Variants in LYPLAL1 observed in about 807,000 individuals in gnomAD.
LYPLAL1 encodes the protein lysophospholipase like 1, also known as lysophospholipase-like protein 1.
In LYPLAL1, 23 loss-of-function variants were observed where a neutral mutation model predicts 19.7. The observed-to-expected ratio is 1.17, with a 90% confidence interval of 0.84 to 1.65. The LOEUF is 1.65. LYPLAL1 is among the 40% of genes most tolerant of loss of function. The pLI is 0.00. For synonymous variants in LYPLAL1, 119 were observed against 96.3 expected, an observed-to-expected ratio of 1.24 and a Z score of -1.38; for missense variants, 355 against 279.4, an observed-to-expected ratio of 1.27 and a Z score of -1.93.
At chr1:219,401,364 C>A in the LYPLAL1 span, among the ~76,000 whole-genome samples, 38 of 100,400 alleles carry the variant, frequency 3.8e-4, no homozygotes, top group South Asian at 7.8e-4. Flanking sequence ...TGCCACTTAA[C>A]CCTGCCTCCT....
At chr1:219,282,590 G>A in the LYPLAL1 span, among the ~76,000 whole-genome samples, 6 of 151,298 alleles carry the variant, frequency 4.0e-5, no homozygotes, top group Non-Finnish European at 8.8e-5. Flanking sequence ...AGCTTCCAAA[G>A]GGGAGGGGGA....
At chr1:219,422,060 T>A in the LYPLAL1 span, among the ~76,000 whole-genome samples, 2 of 152,184 alleles carry the variant, frequency 1.3e-5, no homozygotes, top group African/African-American at 2.4e-5. Context: ...CGCTGGTTGA[T>A]CTCTTAAGAA....
chr1:219,244,712 G>A, the LYPLAL1 span, among the ~76,000 whole-genome samples: 116 of 152,138 alleles, frequency 7.6e-4, no homozygotes, highest in African/African-American at 2.7e-3. Flanking sequence ...TTGGGAAGCC[G>A]AAGTAGGCAG....
chr1:219,400,374 A>G, the LYPLAL1 span, among the ~76,000 whole-genome samples: 1 of 152,152 alleles, frequency 6.6e-6, no homozygotes, highest in African/African-American at 2.4e-5. Context: ...AGAGTGATAA[A>G]TCTATGGAAG....
At chr1:219,272,835 A>G in the LYPLAL1 span, 3 of 151,756 alleles carry the variant, frequency 2.0e-5, no homozygotes, top group Non-Finnish European at 4.4e-5. Context: ...CCTCAGCAGA[A>G]AAAAAAAAGA....
chr1:219,229,058 T>C, the LYPLAL1 span, among the ~76,000 whole-genome samples: 1 of 152,032 alleles, frequency 6.6e-6, no homozygotes, highest in African/African-American at 2.4e-5. Flanking sequence ...ATTCCCATTT[T>C]ATATATGAGT....
intron 3 of LYPLAL1, among the ~76,000 whole-genome samples, chr1:219,195,670 A>T (rs924732276): frequency 3.3e-5 from 5 of 151,806 alleles, no homozygotes; most frequent in African/African-American, 1.2e-4. Context: ...TAGTACAACA[A>T]AATCAAATCT....
chr1:219,241,395 A>G, the LYPLAL1 span, among the ~76,000 whole-genome samples: 1 of 152,072 alleles, frequency 6.6e-6, no homozygotes, highest in African/African-American at 2.4e-5. Flanking sequence ...TTCCTAACAT[A>G]TACAAGAAAA....
chr1:219,332,242 C>T, the LYPLAL1 span, among the ~76,000 whole-genome samples: 1 of 152,068 alleles, frequency 6.6e-6, no homozygotes. Flanking sequence ...GGAGAGGATA[C>T]CTGGAGGATA....
At chr1:219,304,215 G>A in the LYPLAL1 span, among the ~76,000 whole-genome samples, 1 of 152,238 alleles carries the variant, frequency 6.6e-6, no homozygotes, top group Admixed American at 6.5e-5. Flanking sequence ...ACTGCAAAAG[G>A]TCTGAGACCA....
chr1:219,440,563 G>A, the LYPLAL1 span, among the ~76,000 whole-genome samples: 5 of 152,060 alleles, frequency 3.3e-5, no homozygotes, highest in Non-Finnish European at 7.4e-5. Context: ...AAAGATAATG[G>A]CAATAGATTG....
At chr1:219,189,623 AATTTATGCTT>A (rs767307154) in intron 2 of LYPLAL1, among the ~76,000 whole-genome samples, 95 of 151,610 alleles carry the variant, frequency 6.3e-4, no homozygotes, top group Non-Finnish European at 1.0e-3. Flanking sequence ...GTTGTGAGAT[AATTTATGCTT>A]ATTGGAGTCC....
the LYPLAL1 span, among the ~76,000 whole-genome samples, chr1:219,224,798 A>G: frequency 6.6e-6 from 1 of 152,148 alleles, no homozygotes. Flanking sequence ...GGCCCAATCT[A>G]ATGTTTATAG....
chr1:219,430,287 CAAAAAAA>C, the LYPLAL1 span, among the ~76,000 whole-genome samples: 8 of 69,788 alleles, frequency 1.1e-4, no homozygotes, highest in Non-Finnish European at 1.4e-4. Flanking sequence ...GATCCTAGCT[CAAAAAAA>C]AAAAAAAAAA....
downstream of LYPLAL1, among the ~76,000 whole-genome samples, chr1:219,213,348 T>C (rs149339608): frequency 3.9e-5 from 6 of 152,012 alleles, no homozygotes; most frequent in African/African-American, 1.4e-4. Context: ...TGAAATCAGG[T>C]AGAGTAAGTC....
the LYPLAL1 span, among the ~76,000 whole-genome samples, chr1:219,285,899 C>G: frequency 6.6e-6 from 1 of 152,098 alleles, no homozygotes; most frequent in African/African-American, 2.4e-5. Context: ...TCTTTTTCTC[C>G]TTCCCTTCTC....
At chr1:219,444,220 C>T in the LYPLAL1 span, among the ~76,000 whole-genome samples, 6 of 152,206 alleles carry the variant, frequency 3.9e-5, no homozygotes, top group Admixed American at 3.9e-4. Flanking sequence ...ACTGCATTTG[C>T]ATATTTACAT....
the LYPLAL1 span, among the ~76,000 whole-genome samples, chr1:219,328,703 A>T: frequency 2.0e-5 from 3 of 152,182 alleles, no homozygotes; most frequent in African/African-American, 7.2e-5. Flanking sequence ...AATTATATAC[A>T]GTATCTATAT....
chr1:219,369,477 T>C, the LYPLAL1 span, among the ~76,000 whole-genome samples: 1 of 152,220 alleles, frequency 6.6e-6, no homozygotes, highest in African/African-American at 2.4e-5. Context: ...TTTCACCATA[T>C]TGGCCAAGCT....
Sources: allele counts gnomAD v4.1 joint callset (sites outside exome capture counted in the v4.1 genomes callset), GRCh38; gene constraint gnomAD v4.1.1; transcripts MANE v1.5; gene names NCBI Gene and HGNC (gene_info 2026-07-23, HGNC 2026-07-21).